The following COX10 variants were observed in gnomAD, a reference collection of about 807,000 sequenced individuals.
COX10 encodes the protein protoheme IX farnesyltransferase, mitochondrial.
A neutral mutation model predicts 37.3 loss-of-function variants in COX10; 27 were observed. That is an observed-to-expected ratio of 0.72 (90% CI 0.53 to 1.00). The LOEUF (loss-of-function observed/expected upper bound fraction) is 1.00, where lower values mean the gene tolerates loss of function less well. Ranked by LOEUF, COX10 falls within the 50% of genes least tolerant of loss-of-function variation. The probability of loss-of-function intolerance (pLI) is 0.00; values close to 1 mark genes in which losing one functional copy is unlikely to be tolerated. For synonymous variants in COX10, 222 were observed against 229.1 expected (o/e 0.97, Z 0.28); for missense variants, 475 against 563.2 (o/e 0.84, Z 1.59).
chr17:14,077,999 C>A, intron 3 of COX10, among the ~76,000 whole-genome samples: 1 of 149,508 alleles, frequency 6.7e-6, no homozygotes, highest in South Asian at 2.1e-4. Context: ...CAACTTCTCT[C>A]CTTAGTGACC....
At chr17:14,162,181 A>G (rs1905184027) in intron 5 of COX10, among the ~76,000 whole-genome samples, 1 of 152,232 alleles carries the variant, frequency 6.6e-6, no homozygotes, top group Non-Finnish European at 1.5e-5. Context: ...GCTGGCAATA[A>G]CCAGACTTTC....
intron 5 of COX10, among the ~76,000 whole-genome samples, chr17:14,184,940 T>A (rs1905983689): frequency 6.7e-6 from 1 of 148,968 alleles, no homozygotes; most frequent in African/African-American, 2.5e-5. Flanking sequence ...GAGCCACACT[T>A]AGAATCATGG....
intron 4 of COX10, among the ~76,000 whole-genome samples, chr17:14,153,158 G>A (rs1448364392): frequency 1.3e-5 from 2 of 152,146 alleles, no homozygotes; most frequent in Non-Finnish European, 2.9e-5. Flanking sequence ...TTGTCAGCTT[G>A]GCAGTCAGAT....
chr17:14,084,625 A>G (rs1239506229), intron 3 of COX10, among the ~76,000 whole-genome samples: 1 of 152,202 alleles, frequency 6.6e-6, no homozygotes, highest in Non-Finnish European at 1.5e-5. Flanking sequence ...GCAAACACAT[A>G]ATATACAGAA....
chr17:14,160,777 A>G (rs557517800), intron 5 of COX10, among the ~76,000 whole-genome samples: 1 of 152,250 alleles, frequency 6.6e-6, no homozygotes, highest in Non-Finnish European at 1.5e-5. Context: ...AAATATCATT[A>G]TAGTAAAAAG....
chr17:14,111,470 A>C (rs1441582334), intron 4 of COX10, among the ~76,000 whole-genome samples: 1 of 152,138 alleles, frequency 6.6e-6, no homozygotes, highest in Non-Finnish European at 1.5e-5. Flanking sequence ...GAATATCTTT[A>C]TACTTTAAAA....
intron 5 of COX10, among the ~76,000 whole-genome samples, chr17:14,190,419 A>T (rs1906164769): frequency 6.6e-6 from 1 of 152,190 alleles, no homozygotes; most frequent in Non-Finnish European, 1.5e-5. Context: ...TGGCCCAGGA[A>T]CAGGTGGGTG....
At chr17:14,197,367 C>T (rs2142266666) in intron 6 of COX10, among the ~76,000 whole-genome samples, 1 of 152,304 alleles carries the variant, frequency 6.6e-6, no homozygotes, top group East Asian at 1.9e-4. Context: ...TGTGATGCCT[C>T]CTCTCTTCCT....
chr17:14,121,785 G>A (rs1310660522), intron 4 of COX10, among the ~76,000 whole-genome samples: 2 of 152,150 alleles, frequency 1.3e-5, no homozygotes, highest in Non-Finnish European at 2.9e-5. Flanking sequence ...CTTATGTGGT[G>A]GAAAGTGGTA....
At chr17:14,109,323 C>A (rs912352552) in intron 4 of COX10, among the ~76,000 whole-genome samples, 1 of 152,056 alleles carries the variant, frequency 6.6e-6, no homozygotes, top group Non-Finnish European at 1.5e-5. Flanking sequence ...ATTTAAATAA[C>A]CTCAAATAAT....
intron 5 of COX10, among the ~76,000 whole-genome samples, chr17:14,180,482 G>A (rs1015220530): frequency 6.6e-6 from 1 of 152,072 alleles, no homozygotes; most frequent in African/African-American, 2.4e-5. Flanking sequence ...ACGCTGCTGG[G>A]ATTTTCTGAA....
At chr17:14,174,603 A>G (rs3020868) in intron 5 of COX10, among the ~76,000 whole-genome samples, 9 of 152,190 alleles carry the variant, frequency 5.9e-5, no homozygotes, top group East Asian at 1.9e-4. Context: ...ACCACTACAC[A>G]CCTATTAGCA....
chr17:14,200,409 GTCA>G (rs1344462611), intron 6 of COX10, among the ~76,000 whole-genome samples: 18 of 152,196 alleles, frequency 1.2e-4, no homozygotes, highest in Admixed American at 1.1e-3. Flanking sequence ...TTTTCAACGA[GTCA>G]TCAGGAAGAC....
Position 14,074,364 on chromosome 17 carries a change from A to C in COX10, c.85A>C (p.Ile29Leu). The C allele has an allele frequency of 6.2e-7, 1 of 1,613,978 alleles. No individual in the cohort carries two copies. Among genetic ancestry groups the C allele is most frequent in the Non-Finnish European group, 8.5e-7 (1 of 1,179,872 alleles). ...TGTCTGGTATCTTGAAAGAAGAACT[A>C]TACAGGACTCCCCTCACAAGTTCTT... Reference protein sequence around the residue: ...GSVWYLERRTIQDSPHKFLHL... With the variant: ...GSVWYLERRTLQDSPHKFLHL... Residue 29 changes from isoleucine (I) to leucine (L), a missense_variant, in exon 2 of 7, where the codon ATA becomes CTA. This residue lies in a region of COX10 where 242 missense variants were observed against 242.5 expected (regional missense o/e 1.00). Coordinates refer to ENST00000261643, the MANE Select transcript of COX10 (RefSeq NM_001303.4).
chr17:14,111,081 C>G (rs953356554), intron 4 of COX10, among the ~76,000 whole-genome samples: 3 of 152,090 alleles, frequency 2.0e-5, no homozygotes, highest in Non-Finnish European at 4.4e-5. Flanking sequence ...ACTTCTTTGT[C>G]TGTTGCTGTT....
At chr17:14,148,877 A>G (rs1904807081) in intron 4 of COX10, among the ~76,000 whole-genome samples, 1 of 150,012 alleles carries the variant, frequency 6.7e-6, no homozygotes, top group South Asian at 2.1e-4. Flanking sequence ...TCTGAGCATT[A>G]ACTATTTGGA....
At chr17:14,083,113 G>A (rs1316287840) in intron 3 of COX10, among the ~76,000 whole-genome samples, 1 of 152,160 alleles carries the variant, frequency 6.6e-6, no homozygotes, top group Non-Finnish European at 1.5e-5. Context: ...CAGAAAAGGG[G>A]AGCAGCCTCA....
intron 6 of COX10, among the ~76,000 whole-genome samples, chr17:14,197,821 C>G (rs904391460): frequency 1.6e-4 from 24 of 152,214 alleles, no homozygotes; most frequent in Non-Finnish European, 3.1e-4. Flanking sequence ...TCAGGGTAGT[C>G]AGGACTCTGC....
At chr17:14,117,798 C>CTGA (rs1916146803) in intron 4 of COX10, among the ~76,000 whole-genome samples, 1 of 152,116 alleles carries the variant, frequency 6.6e-6, no homozygotes, top group Non-Finnish European at 1.5e-5. Flanking sequence ...CTGCCTTATC[C>CTGA]CAAGGACAAA....
Sources: allele counts gnomAD v4.1 joint callset (sites outside exome capture counted in the v4.1 genomes callset), GRCh38; gene constraint gnomAD v4.1.1; regional missense constraint gnomAD v4.1.1; transcripts MANE v1.5; gene names NCBI Gene and HGNC (gene_info 2026-07-23, HGNC 2026-07-21).